The following DLGAP1 variants were observed in gnomAD, a reference collection of about 807,000 sequenced individuals.
DLGAP1 encodes the protein DLG associated protein 1.
A neutral mutation model predicts 90.8 loss-of-function variants in DLGAP1; 11 were observed. The ratio of observed to expected loss-of-function variants is 0.12; its 90% CI spans 0.08 to 0.20. The LOEUF (loss-of-function observed/expected upper bound fraction) is 0.20, where lower values mean the gene tolerates loss of function less well. Ranked by LOEUF, DLGAP1 falls within the 10% of genes least tolerant of loss-of-function variation. The pLI is 1.00. For missense variants in DLGAP1, 1,050 were observed against 1,333.8 expected (o/e 0.79, Z 3.31); for synonymous variants, 558 against 540.7 (o/e 1.03, Z -0.44).
intron 1 of DLGAP1, among the ~76,000 whole-genome samples, chr18:4,351,952 G>A (rs547565726): frequency 1.8e-4 from 28 of 152,048 alleles, no homozygotes; most frequent in Non-Finnish European, 3.4e-4. Context: ...CCTACCTCAC[G>A]GATTGCCTTA....
chr18:4,035,726 A>G (rs1318111697), intron 2 of DLGAP1, among the ~76,000 whole-genome samples: 1 of 152,166 alleles, frequency 6.6e-6, no homozygotes, highest in Admixed American at 6.5e-5. Flanking sequence ...CTCACTTGAC[A>G]CTAATCGGTT....
At chr18:3,825,058 T>C (rs889760775) in intron 4 of DLGAP1, among the ~76,000 whole-genome samples, 17 of 152,204 alleles carry the variant, frequency 1.1e-4, no homozygotes, top group African/African-American at 4.1e-4. Flanking sequence ...CAGCAAGATA[T>C]CTATAATGAA....
chr18:4,265,663 C>CCCTTCCTTCCTTCCTTCCTTCCTTCCTT (rs551164051), intron 1 of DLGAP1, among the ~76,000 whole-genome samples: 3 of 54,288 alleles, frequency 5.5e-5, no homozygotes, highest in African/African-American at 3.5e-4. Context: ...CTCCCTCCCT[C>CCCTTCCTTCCTTCCTTCCTTCCTTCCTT]CCTTCCTTCC....
chr18:4,277,437 C>T (rs576745113), intron 1 of DLGAP1, among the ~76,000 whole-genome samples: 8 of 152,060 alleles, frequency 5.3e-5, no homozygotes, highest in Admixed American at 6.6e-5. Flanking sequence ...TACTTTGAAC[C>T]CAAGGCTTGT....
chr18:3,672,201 GACACACACACACACAC>G (rs3223621), intron 7 of DLGAP1, among the ~76,000 whole-genome samples: 5 of 143,490 alleles, frequency 3.5e-5, no homozygotes, highest in South Asian at 2.3e-4. Context: ...CTGCTGATTA[GACACACACACACACAC>G]ACACACACAC....
At chr18:3,888,727 A>G (rs1203231687) in intron 3 of DLGAP1, among the ~76,000 whole-genome samples, 2 of 152,212 alleles carry the variant, frequency 1.3e-5, no homozygotes, top group Admixed American at 6.5e-5. Flanking sequence ...TTAATAGGTC[A>G]TTATTGATAT....
At chr18:3,657,301 G>A (rs964690257) in intron 7 of DLGAP1, among the ~76,000 whole-genome samples, 2 of 152,178 alleles carry the variant, frequency 1.3e-5, no homozygotes, top group African/African-American at 4.8e-5. Context: ...ATTGGTATCT[G>A]TATGAACATA....
rs28729206 is a variant in DLGAP1 at position 3,857,517 on chromosome 18, C to A, written c.957+21595G>T. ...CTCTTGGCATGTGCAGTAGTTACTT[C>A]CCAATTGCCAAGTTCACGATCAAGC... On this transcript the variant is annotated intron_variant, in intron 4 of 12. Coordinates refer to ENST00000315677, the MANE Select transcript of DLGAP1 (RefSeq NM_004746.4). Among the ~76,000 whole-genome samples, 452 of 152,280 alleles carry A rather than the reference C, an allele frequency of 3.0e-3. 2 individuals are homozygous for A. Among genetic ancestry groups the A allele is most frequent in the African/African-American group, 0.011 (439 of 41,562 alleles).
At chr18:4,291,481 T>C (rs1309190045) in intron 1 of DLGAP1, among the ~76,000 whole-genome samples, 1 of 152,192 alleles carries the variant, frequency 6.6e-6, no homozygotes, top group Non-Finnish European at 1.5e-5. Context: ...AAATTCCAAT[T>C]GTTACCAGGT....
chr18:3,602,612 A>C (rs966349072), intron 7 of DLGAP1, among the ~76,000 whole-genome samples: 2 of 151,602 alleles, frequency 1.3e-5, no homozygotes, highest in Admixed American at 6.6e-5. Context: ...AAAAAAAAAA[A>C]AAAACAAAGA....
At chr18:4,354,021 T>G (rs779141294) in intron 1 of DLGAP1, among the ~76,000 whole-genome samples, 4 of 152,190 alleles carry the variant, frequency 2.6e-5, no homozygotes, top group Non-Finnish European at 4.4e-5. Flanking sequence ...AACAGCAGTG[T>G]GAACTGGCTG....
At chr18:4,008,028 T>G (rs1328378484) in intron 2 of DLGAP1, among the ~76,000 whole-genome samples, 1 of 152,186 alleles carries the variant, frequency 6.6e-6, no homozygotes, top group Non-Finnish European at 1.5e-5. Context: ...TTTTTAAAAT[T>G]GGAATCAGTC....
rs1226354397 is a variant in DLGAP1 at position 4,383,997 on chromosome 18, T to C, written c.-267+71009A>G. Among the ~76,000 whole-genome samples, 2 of 152,170 alleles carry C rather than the reference T, an allele frequency of 1.3e-5. No individual in the cohort carries two copies. Among genetic ancestry groups the C allele is most frequent in the Admixed American group, 6.5e-5 (1 of 15,268 alleles). ...AAGTCAAAACAGCTTCCATACACTA[T>C]GGTAATGTCATAAAATGGTAAATTG... On this transcript the variant is annotated intron_variant, in intron 1 of 12. Coordinates refer to ENST00000315677, the MANE Select transcript of DLGAP1 (RefSeq NM_004746.4). The surrounding 1 kb of genome is among the most constrained non-coding windows in gnomAD (Gnocchi z 4.0).
chr18:4,406,003 G>A (rs1325041248), intron 1 of DLGAP1, among the ~76,000 whole-genome samples: 1 of 152,198 alleles, frequency 6.6e-6, no homozygotes, highest in Non-Finnish European at 1.5e-5. Flanking sequence ...GGAATTTTCT[G>A]GGGTATTTAA....
At chr18:4,066,535 A>T (rs2075372655) in intron 2 of DLGAP1, among the ~76,000 whole-genome samples, 1 of 152,184 alleles carries the variant, frequency 6.6e-6, no homozygotes, top group African/African-American at 2.4e-5. Flanking sequence ...ACACTTTTCA[A>T]AAGAAGACAT....
rs1458995154 is a variant in DLGAP1, at chr18:3,653,248, G to A, written c.1592-71000C>T. ...TTCCTTCCCTGCCATTGGTGCGACT[G>A]TTTCCCCCTTCCGTCAAATTGCTGT... On this transcript the variant is annotated intron_variant, in intron 7 of 12. Coordinates refer to ENST00000315677, the MANE Select transcript of DLGAP1 (RefSeq NM_004746.4). This position sits in a 1 kb window ranked among gnomAD's most constrained non-coding sequence, Gnocchi z 4.6. 1.3e-5 allele frequency among the ~76,000 whole-genome samples: 2 copies of A among 152,090 alleles called. No individual in the cohort carries two copies. The highest frequency in any genetic ancestry group is 2.9e-5 in the Non-Finnish European group (2 of 68,006).
chr18:3,525,046 G>C (rs1198983377), intron 10 of DLGAP1, among the ~76,000 whole-genome samples: 2 of 151,000 alleles, frequency 1.3e-5, no homozygotes, highest in Admixed American at 6.6e-5. Context: ...TCTAGTAGAA[G>C]TTTTCCCATA....
At position 3,565,136 on chromosome 18, in the gene DLGAP1, G is replaced by A. The variant is rs1196103021; in HGVS notation, c.2057+2354C>T. Among the ~76,000 whole-genome samples the A allele has an allele frequency of 6.6e-6, 1 of 152,104 alleles. No individual in the cohort carries two copies. The highest frequency in any genetic ancestry group is 2.1e-4 in the South Asian group (1 of 4,828). On this transcript the variant is annotated intron_variant, in intron 9 of 12. Transcript: ENST00000315677. The surrounding 1 kb of genome is among the most constrained non-coding windows in gnomAD (Gnocchi z 4.0). ...AAAAGGCACCAAGCTGGGCTGGTGG[G>A]AGATGGAGGAATATATTTTCTTTTT...
rs376229940 is a variant in DLGAP1, at chr18:3,986,335, T to C, written c.-73+18781A>G. 10 of 152,338 alleles carry C rather than the reference T, an allele frequency of 6.6e-5. 1 individual carries two copies. The highest frequency in any genetic ancestry group is 6.2e-4 in the South Asian group (3 of 4,826). The allele number at this position is 152,338 out of a possible 1,614,324, so 9.4% of individuals were successfully genotyped here. ...TACAATTAGTGGCATTCAGCTATCA[T>C]TTTCTATCCTTCAACTTATTTTGAA... is the stretch of plus-strand genomic sequence containing the variant. On this transcript the variant is annotated intron_variant, in intron 3 of 12. Transcript: ENST00000315677.
Sources: gnomAD v4.1 joint callset for allele counts (sites outside exome capture counted in the v4.1 genomes callset) on GRCh38, gnomAD v4.1.1 for gene constraint, Gnocchi (gnomAD v3.1) non-coding constraint, MANE v1.5 for transcripts, NCBI Gene and HGNC (gene_info 2026-07-23, HGNC 2026-07-21) for gene names.